PAH: variants seen among roughly 807,000 people sequenced by gnomAD.
The protein encoded by PAH is phenylalanine-4-hydroxylase.
Under a neutral mutation model 62.0 loss-of-function variants are expected in PAH, and 64 were observed. The observed-to-expected ratio is 1.03, with a 90% CI of 0.84 to 1.27. The LOEUF is 1.27. Ranked by LOEUF, PAH falls within the 50% of genes most tolerant of loss-of-function variation. The pLI is 0.00. For missense variants in PAH, 579 were observed against 542.8 expected, an observed-to-expected ratio of 1.07 and a Z score of -0.66; for synonymous variants, 195 against 196.2, an observed-to-expected ratio of 0.99 and a Z score of 0.05.
At chr12:102,923,786 A>G (rs1013293988) in intron 1 of PAH, among the ~76,000 whole-genome samples, 34 of 152,318 alleles carry the variant, frequency 2.2e-4, no homozygotes, top group African/African-American at 7.9e-4. Context: ...GTTTTTCAAC[A>G]TGGTCTCACA....
chr12:102,936,983 T>C (rs1285603933), intron 1 of PAH, among the ~76,000 whole-genome samples: 2 of 152,206 alleles, frequency 1.3e-5, no homozygotes, highest in Non-Finnish European at 2.9e-5. Context: ...ACCCTCAAGC[T>C]GTTCTCGTGA....
chr12:102,920,759 T>C (rs570077976), upstream of PAH, among the ~76,000 whole-genome samples: 108 of 152,236 alleles, frequency 7.1e-4, no homozygotes, highest in Non-Finnish European at 1.4e-3. Context: ...CACTATAGAT[T>C]TACTACAATC....
At chr12:102,855,093 C>T (rs1592954258) in intron 6 of PAH, 43 bp downstream of exon 6, 2 of 1,520,424 alleles carry the variant, frequency 1.3e-6, no homozygotes, top group African/African-American at 1.4e-5. Flanking sequence ...CCTCAATCCT[C>T]CCCCAACTTT....
chr12:102,853,912 A>G (rs1875291491), intron 6 of PAH, among the ~76,000 whole-genome samples: 1 of 152,242 alleles, frequency 6.6e-6, no homozygotes, highest in African/African-American at 2.4e-5. Context: ...AGACAGAGAT[A>G]GGTTAAAGGT....
At chr12:102,958,366 C>T (rs887377909) in exon 1 of PAH, 3 of 1,441,264 alleles carry the variant, frequency 2.1e-6, no homozygotes, top group Non-Finnish European at 2.7e-6. Context: ...GCGGCGGCCG[C>T]AGCCGCCGCA....
upstream of PAH, among the ~76,000 whole-genome samples, chr12:102,952,487 T>C (rs1434373460): frequency 1.3e-5 from 2 of 152,010 alleles, no homozygotes; most frequent in Non-Finnish European, 2.9e-5. Flanking sequence ...CAAAATAGAG[T>C]GTAACAAATC....
At chr12:102,946,890 T>A (rs1167342398) in intron 1 of PAH, 1 of 152,202 alleles carries the variant, frequency 6.6e-6, no homozygotes, top group African/African-American at 2.4e-5. Flanking sequence ...ATAGGGTATG[T>A]GATACTTTGT....
chr12:102,896,718 C>T (rs1364335244), intron 2 of PAH, among the ~76,000 whole-genome samples: 1 of 152,096 alleles, frequency 6.6e-6, no homozygotes, highest in Non-Finnish European at 1.5e-5. Context: ...ATATTCCATG[C>T]CACCCTCAGA....
intron 2 of PAH, among the ~76,000 whole-genome samples, chr12:102,906,347 C>T (rs1190722779): frequency 1.3e-5 from 2 of 152,112 alleles, no homozygotes; most frequent in Admixed American, 6.6e-5. Context: ...GACCAGATTC[C>T]ACTTCTAGGT....
intron 4 of PAH, among the ~76,000 whole-genome samples, chr12:102,871,935 AAAAAAAAAAAAAAAATATATATATATAT>A (rs1468503053): frequency 0.036 from 3,042 of 85,066 alleles, 55 homozygotes; most frequent in East Asian, 0.11. Flanking sequence ...AAAAAAAAAA[AAAAAAAAAAAAAAAATATATATATATAT>A]ATATATATAT....
chr12:102,838,083 G>T lies in PAH; in HGVS notation c.*1092C>A, dbSNP rs888750053. 7.2e-5 allele frequency: 11 copies of T among 152,016 alleles called. No homozygotes were observed. The South Asian group carries it at 2.3e-3, about 32-fold the overall frequency. The allele number at this position is 152,016 out of a possible 1,614,324, so 9.4% of individuals were successfully genotyped here. A position where few individuals can be genotyped will look rare whatever the true frequency, so the allele number is the denominator to read the frequency against. On this transcript the variant is annotated 3_prime_UTR_variant, in exon 13 of 13. Coordinates refer to ENST00000553106, the MANE Select transcript of PAH (RefSeq NM_000277.3). ...TTCAAATCATAGCTACAAAGATATT[G>T]TTTTTTTTCTCCCCACTGCTTCTCA...
chr12:102,872,874 A>G lies in PAH; in HGVS notation c.441+4588T>C, dbSNP rs535856795. ...TCCCAGCTATGTGGGAGGCTGAGGC[A>G]GGAGAATCACTTGAACCCAGGAGGT... On this transcript the variant is annotated intron_variant, in intron 4 of 12. Transcript: ENST00000553106. 2.0e-4 allele frequency among the ~76,000 whole-genome samples: 31 copies of G among 152,326 alleles called. No individual in the cohort carries two copies. In the South Asian group the frequency reaches 6.0e-3, roughly 30 times the overall value.
chr12:102,948,520 G>A (rs1374881427), intron 1 of PAH, among the ~76,000 whole-genome samples: 2 of 152,122 alleles, frequency 1.3e-5, no homozygotes, highest in African/African-American at 4.8e-5. Flanking sequence ...TTTTCTTCCC[G>A]CTGCAAGTTT....
At chr12:102,928,896 T>C (rs529209275) in intron 1 of PAH, among the ~76,000 whole-genome samples, 1 of 152,292 alleles carries the variant, frequency 6.6e-6, no homozygotes, top group African/African-American at 2.4e-5. Flanking sequence ...TCTATGATTA[T>C]AACTGCCTTC....
intron 4 of PAH, among the ~76,000 whole-genome samples, chr12:102,874,463 C>T (rs1198603498): frequency 1.3e-5 from 2 of 152,154 alleles, no homozygotes; most frequent in Non-Finnish European, 2.9e-5. Context: ...ACATAGTTCA[C>T]ACACAGATGA....
At chr12:102,865,813 C>A (rs141901817) in intron 5 of PAH, among the ~76,000 whole-genome samples, 17 of 152,316 alleles carry the variant, frequency 1.1e-4, no homozygotes, top group African/African-American at 3.8e-4. Flanking sequence ...GGCCCATCAT[C>A]TTCTCCATCT....
At chr12:102,876,852 T>A (rs961860706) in intron 4 of PAH, among the ~76,000 whole-genome samples, 1 of 152,074 alleles carries the variant, frequency 6.6e-6, no homozygotes, top group African/African-American at 2.4e-5. Flanking sequence ...GTGTTCCTCT[T>A]TCTGGTCCAT....
At chr12:102,950,041 C>T (rs1456812093) in intron 1 of PAH, 4 of 152,212 alleles carry the variant, frequency 2.6e-5, no homozygotes, top group Admixed American at 2.0e-4. Flanking sequence ...CATATACCTC[C>T]TGTTATCTAT....
At chr12:102,896,477 T>C (rs1877507744) in intron 2 of PAH, among the ~76,000 whole-genome samples, 1 of 152,240 alleles carries the variant, frequency 6.6e-6, no homozygotes, top group South Asian at 2.1e-4. Context: ...ACCAGTCTAA[T>C]TTCTATGTTG....
Sources: allele counts gnomAD v4.1 joint callset (sites outside exome capture counted in the v4.1 genomes callset), GRCh38; gene constraint gnomAD v4.1.1; transcripts MANE v1.5; gene names NCBI Gene and HGNC (gene_info 2026-07-23, HGNC 2026-07-21).